ASXL3: variants seen among roughly 807,000 people sequenced by gnomAD.
The protein encoded by ASXL3 is putative Polycomb group protein ASXL3.
A neutral mutation model predicts 170.6 loss-of-function variants in ASXL3; 34 were observed. The ratio of observed to expected loss-of-function variants is 0.20; its 90% CI spans 0.15 to 0.27. The LOEUF (loss-of-function observed/expected upper bound fraction) is 0.27, where lower values mean the gene tolerates loss of function less well. ASXL3 is among the 10% of genes least tolerant of loss of function. The pLI is 1.00. For missense variants in ASXL3, 2,592 were observed against 2,695.3 expected, an observed-to-expected ratio of 0.96 and a Z score of 0.85; for synonymous variants, 1,002 against 989.1, an observed-to-expected ratio of 1.01 and a Z score of -0.24.
intron 2 of ASXL3, among the ~76,000 whole-genome samples, chr18:33,621,656 C>T (rs1045454042): frequency 6.6e-6 from 1 of 152,092 alleles, no homozygotes; most frequent in Non-Finnish European, 1.5e-5. Flanking sequence ...AGATTCCCAC[C>T]ATGGGTTGGT....
At chr18:33,679,108 A>T (rs2066475837) in intron 7 of ASXL3, among the ~76,000 whole-genome samples, 1 of 152,188 alleles carries the variant, frequency 6.6e-6, no homozygotes, top group South Asian at 2.1e-4. Context: ...TCAGTTTTCT[A>T]ACATTTCCTC....
chr18:33,613,542 T>C (rs753084070), intron 2 of ASXL3, among the ~76,000 whole-genome samples: 93 of 152,254 alleles, frequency 6.1e-4, no homozygotes, highest in Non-Finnish European at 1.1e-3. Flanking sequence ...TCCCAGTGCA[T>C]ATAAAAGTCG....
intron 2 of ASXL3, among the ~76,000 whole-genome samples, chr18:33,621,571 A>G (rs2065513188): frequency 6.6e-6 from 1 of 152,156 alleles, no homozygotes; most frequent in African/African-American, 2.4e-5. Flanking sequence ...TTCTGGTCTC[A>G]TTGGCTTCTT....
chr18:33,598,340 C>G (rs1344254008), intron 1 of ASXL3, among the ~76,000 whole-genome samples: 1 of 152,058 alleles, frequency 6.6e-6, no homozygotes, highest in Non-Finnish European at 1.5e-5. Context: ...ATGGGAGGTT[C>G]TATAACAAAA....
At chr18:33,699,712 T>C (rs1336450351) in intron 8 of ASXL3, among the ~76,000 whole-genome samples, 2 of 152,098 alleles carry the variant, frequency 1.3e-5, no homozygotes, top group African/African-American at 4.8e-5. Context: ...AACAACAAAA[T>C]GGAGCATTAG....
At position 33,740,314 on chromosome 18, in the gene ASXL3, C is replaced by G; in HGVS notation, c.2910C>G (p.His970Gln). ...EISKRKTAEQ[H>Q]SFGICKEKRA... ...CAAAGAGAAAAACTGCAGAGCAACACAGCTTTGGAATCTGTAAGGAAAAGA... is the reference window on the plus strand; with the variant it reads ...CAAAGAGAAAAACTGCAGAGCAACAGAGCTTTGGAATCTGTAAGGAAAAGA... Residue 970 changes from histidine to glutamine, a missense_variant, in exon 11 of 12, where the codon CAC (histidine) becomes CAG (glutamine). Physicochemically the swap from His to Gln is conservative, Grantham distance 24. Transcript: ENST00000269197. 6.2e-7 allele frequency: 1 copy of G among 1,611,694 alleles called. No homozygotes were observed. The highest frequency in any genetic ancestry group is 1.1e-5 in the South Asian group (1 of 90,712).
At chr18:33,584,634 A>T (rs2065020911) in intron 1 of ASXL3, among the ~76,000 whole-genome samples, 1 of 152,304 alleles carries the variant, frequency 6.6e-6, no homozygotes, top group South Asian at 2.1e-4. Context: ...GTGAAAAAAA[A>T]ATCAGTAAAT....
At chr18:33,688,003 T>C (rs1477854258) in intron 8 of ASXL3, among the ~76,000 whole-genome samples, 1 of 152,210 alleles carries the variant, frequency 6.6e-6, no homozygotes, top group Non-Finnish European at 1.5e-5. Context: ...TTCTAAACCC[T>C]AATCCCTTTG....
intron 2 of ASXL3, among the ~76,000 whole-genome samples, chr18:33,613,888 C>T (rs1364090351): frequency 6.6e-6 from 1 of 152,064 alleles, no homozygotes; most frequent in Non-Finnish European, 1.5e-5. Context: ...TGGTGCCGCT[C>T]CACTCCAACT....
intron 8 of ASXL3, among the ~76,000 whole-genome samples, chr18:33,706,919 A>C (rs2066969651): frequency 6.6e-6 from 1 of 151,870 alleles, no homozygotes; most frequent in South Asian, 2.1e-4. Flanking sequence ...TATATCTACA[A>C]ACCACCTGAG....
At chr18:33,740,655 A>C (rs1302340278) in intron 11 of ASXL3, among the ~76,000 whole-genome samples, 1 of 152,224 alleles carries the variant, frequency 6.6e-6, no homozygotes, top group Admixed American at 6.5e-5. Flanking sequence ...CCCAGCATTA[A>C]AGGAAAAAGA....
chr18:33,738,644 C>G lies in ASXL3; in HGVS notation c.1240C>G (p.Pro414Ala), dbSNP rs750725319. 1 of 1,613,926 alleles carries G rather than the reference C, an allele frequency of 6.2e-7. No individual in the cohort carries two copies. The highest frequency in any genetic ancestry group is 1.3e-5 in the African/African-American group (1 of 75,030). The change falls in exon 11 of 12, where the codon CCA becomes GCA. Residue 414 changes from proline (P) to alanine (A), a missense_variant. Pro to Ala is a conservative substitution (Grantham distance 27). Coordinates refer to ENST00000269197, the MANE Select transcript of ASXL3 (RefSeq NM_030632.3). Reference protein sequence around the residue: ...QPKSMKSPASPEPGFCATLCP... With the variant: ...QPKSMKSPASAEPGFCATLCP... ...AAAAAGCATGAAAAGCCCAGCTTCT[C>G]CAGAGCCTGGTTTCTGTGCTACTCT...
At chr18:33,688,367 C>A (rs550496896) in intron 8 of ASXL3, among the ~76,000 whole-genome samples, 1 of 152,088 alleles carries the variant, frequency 6.6e-6, no homozygotes, top group Non-Finnish European at 1.5e-5. Context: ...GAAGACAAGT[C>A]GAAATTGAGT....
chr18:33,746,277 G>A lies in ASXL3; in HGVS notation c.6429G>A (p.Gln2143=), dbSNP rs1172776916. ...CCCAATTAGCTGCTCAGAAAATGCA[G>A]GTGCAGCAACAACAGCAGCTCTGTG... ...PFTQLAAQKM[Q]VQQQQQLCGN... The change falls in exon 12 of 12, where the codon CAG becomes CAA. Residue 2143 remains glutamine, a synonymous_variant. Coordinates refer to ENST00000269197, the MANE Select transcript of ASXL3 (RefSeq NM_030632.3). 6.2e-7 allele frequency: 1 copy of A among 1,613,870 alleles called. No individual in the cohort carries two copies. Among genetic ancestry groups the A allele is most frequent in the Admixed American group, 1.7e-5 (1 of 60,002 alleles).
chr18:33,594,981 A>G (rs2065112592), intron 1 of ASXL3, among the ~76,000 whole-genome samples: 1 of 152,142 alleles, frequency 6.6e-6, no homozygotes, highest in Admixed American at 6.5e-5. Context: ...CCATTATGGT[A>G]AATATTTATG....
rs376757776 is a variant in ASXL3, at chr18:33,661,612, C to G, written c.356-4C>G. On this transcript the variant is annotated splice_region_variant and splice_polypyrimidine_tract_variant and intron_variant, in intron 4 of 11. Coordinates refer to ENST00000269197, the MANE Select transcript of ASXL3 (RefSeq NM_030632.3). Reference sequence around the variant, plus strand: ...GTAATATCATTATCTCTCTCTGTTTCTAGTTTGTTCGAAGCAGGTAACTGA... The same window carrying G: ...GTAATATCATTATCTCTCTCTGTTTGTAGTTTGTTCGAAGCAGGTAACTGA... 1.1e-5 allele frequency: 17 copies of G among 1,606,642 alleles called. No homozygotes were observed. The highest frequency in any genetic ancestry group is 1.4e-5 in the Non-Finnish European group (17 of 1,176,112).
chr18:33,593,834 A>C (rs1398397707), intron 1 of ASXL3, among the ~76,000 whole-genome samples: 1 of 152,212 alleles, frequency 6.6e-6, no homozygotes, highest in Non-Finnish European at 1.5e-5. Context: ...ATGGGTATGC[A>C]GCCACTGAAA....
Position 33,658,312 on chromosome 18 carries a change from C to A in ASXL3, c.356-3304C>A, listed in dbSNP as rs531801584. On this transcript the variant is annotated intron_variant, in intron 4 of 11. Coordinates refer to ENST00000269197, the MANE Select transcript of ASXL3 (RefSeq NM_030632.3). The stretch of plus-strand genomic sequence containing the variant: ...ATCACATCTATTATTAAGAAAGCTG[C>A]AAGAATAAGTAAAAGTGAAAACCTT... Among the ~76,000 whole-genome samples, 10 of 152,142 alleles carry A rather than the reference C, an allele frequency of 6.6e-5. No individual in the cohort carries two copies. The East Asian group carries it at 1.7e-3, about 27-fold the overall frequency.
chr18:33,658,255 A>G (rs2066113989), intron 4 of ASXL3, among the ~76,000 whole-genome samples: 2 of 152,130 alleles, frequency 1.3e-5, no homozygotes, highest in South Asian at 4.1e-4. Context: ...TATTCAGGCA[A>G]CTGTTTAAAA....
Sources: allele counts gnomAD v4.1 joint callset (sites outside exome capture counted in the v4.1 genomes callset), GRCh38; gene constraint gnomAD v4.1.1; transcripts MANE v1.5; gene names NCBI Gene and HGNC (gene_info 2026-07-23, HGNC 2026-07-21).